The following KCNJ3 variants were observed in gnomAD, a reference collection of about 807,000 sequenced individuals.
KCNJ3 encodes G protein-activated inward rectifier potassium channel 1.
KCNJ3 carries 4 observed loss-of-function variants against 39.2 expected under a neutral mutation model. That is an observed-to-expected ratio of 0.10 (90% CI 0.05 to 0.23). The LOEUF (loss-of-function observed/expected upper bound fraction) is 0.23, where lower values mean the gene tolerates loss of function less well. KCNJ3 is among the 10% of genes least tolerant of loss of function. The probability of loss-of-function intolerance (pLI) is 1.00; values close to 1 mark genes in which losing one functional copy is unlikely to be tolerated. For missense variants in KCNJ3, 276 were observed against 634.9 expected (o/e 0.43, Z 6.08); for synonymous variants, 230 against 237.4 (o/e 0.97, Z 0.29).
At position 154,810,152 on chromosome 2, in the gene KCNJ3, C is replaced by T. The variant is rs1313121185; in HGVS notation, c.920-44575C>T. On this transcript the variant is annotated intron_variant, in intron 2 of 2. Transcript: ENST00000295101. Reference sequence around the variant, plus strand: ...AGGCTGGAGTGCAGTGGCATAATCTCGGCTCACTGAGCCTTGACCTCCTGG... The same window carrying T: ...AGGCTGGAGTGCAGTGGCATAATCTTGGCTCACTGAGCCTTGACCTCCTGG... 1.9e-4 allele frequency among the ~76,000 whole-genome samples: 29 copies of T among 152,084 alleles called. 1 individual carries two copies. Among genetic ancestry groups the T allele is most frequent in the Admixed American group, 1.8e-3 (27 of 15,260 alleles).
intron 2 of KCNJ3, among the ~76,000 whole-genome samples, chr2:154,830,758 A>G (rs1687347990): frequency 6.8e-6 from 1 of 146,666 alleles, no homozygotes; most frequent in African/African-American, 2.5e-5. Flanking sequence ...GAGAATGATT[A>G]TTTTTCTCAT....
chr2:154,835,463 CATGAAT>C (rs1558886381), intron 2 of KCNJ3, among the ~76,000 whole-genome samples: 3 of 94,508 alleles, frequency 3.2e-5, no homozygotes, highest in Admixed American at 2.5e-4. Flanking sequence ...ATATAATATT[CATGAAT>C]ATGAATATAT....
At chr2:154,846,664 A>G (rs1687667125) in intron 2 of KCNJ3, among the ~76,000 whole-genome samples, 1 of 152,164 alleles carries the variant, frequency 6.6e-6, no homozygotes, top group Non-Finnish European at 1.5e-5. Flanking sequence ...ATTTTCAGCA[A>G]TATGATTGTG....
At chr2:154,723,646 G>A (rs1425271289) in intron 2 of KCNJ3, among the ~76,000 whole-genome samples, 2 of 151,940 alleles carry the variant, frequency 1.3e-5, no homozygotes, top group Non-Finnish European at 2.9e-5. Context: ...TTTTGTGAGA[G>A]GATAAATGAA....
chr2:154,843,643 C>A (rs1262248265), intron 2 of KCNJ3, among the ~76,000 whole-genome samples: 4 of 151,750 alleles, frequency 2.6e-5, no homozygotes, highest in African/African-American at 9.7e-5. Context: ...TTTCTTTTTA[C>A]TCTTTTTTCT....
intron 2 of KCNJ3, among the ~76,000 whole-genome samples, chr2:154,798,804 G>A (rs1278997500): frequency 6.6e-6 from 1 of 152,162 alleles, no homozygotes; most frequent in Non-Finnish European, 1.5e-5. Context: ...TTTGTTGTAT[G>A]TTTATAGCAC....
intron 2 of KCNJ3, among the ~76,000 whole-genome samples, chr2:154,748,377 G>T (rs1432917473): frequency 6.6e-6 from 1 of 151,940 alleles, no homozygotes; most frequent in Non-Finnish European, 1.5e-5. Flanking sequence ...GCATATTGAA[G>T]GTACGATAGT....
intron 2 of KCNJ3, among the ~76,000 whole-genome samples, chr2:154,820,839 C>T (rs1372570426): frequency 1.3e-5 from 2 of 152,036 alleles, no homozygotes; most frequent in Non-Finnish European, 2.9e-5. Context: ...GAAAATTTGT[C>T]CTTAACAACT....
In KCNJ3 at chr2:154,781,117, G is replaced by A. The variant is rs1482741545; in HGVS notation, c.919+71298G>A. On this transcript the variant is annotated intron_variant, in intron 2 of 2. Coordinates refer to ENST00000295101, the MANE Select transcript of KCNJ3 (RefSeq NM_002239.4). ...GCCCTTTGAAGATGGAAGCAGGCCA[G>A]ACTAAAGGCAGTCTTTAGAAGGTGG... 2.0e-5 allele frequency among the ~76,000 whole-genome samples: 3 copies of A among 152,274 alleles called. No homozygotes were observed. The East Asian group carries it at 5.8e-4, about 29-fold the overall frequency.
chr2:154,820,546 A>G (rs981360227), intron 2 of KCNJ3, among the ~76,000 whole-genome samples: 9 of 152,098 alleles, frequency 5.9e-5, no homozygotes, highest in African/African-American at 2.2e-4. Flanking sequence ...TTCAATTGTA[A>G]ATTTTCCTAT....
intron 2 of KCNJ3, among the ~76,000 whole-genome samples, chr2:154,849,510 G>C (rs2166330): frequency 0.21 from 31,076 of 151,430 alleles, 3,485 homozygotes; most frequent in East Asian, 0.4. Context: ...CCAATCTCCC[G>C]CAAACACATC....
At chr2:154,743,408 A>G (rs1685686225) in intron 2 of KCNJ3, among the ~76,000 whole-genome samples, 1 of 151,690 alleles carries the variant, frequency 6.6e-6, no homozygotes, top group Non-Finnish European at 1.5e-5. Context: ...CTTGATAGGG[A>G]TTGGATAGAA....
intron 2 of KCNJ3, among the ~76,000 whole-genome samples, chr2:154,763,421 T>G (rs796902456): frequency 8.9e-5 from 11 of 123,606 alleles, no homozygotes; most frequent in Non-Finnish European, 1.1e-4. Flanking sequence ...TTCAGCTGCT[T>G]CTTTTTTTTT....
At chr2:154,743,820 T>C (rs1335224995) in intron 2 of KCNJ3, among the ~76,000 whole-genome samples, 1 of 151,632 alleles carries the variant, frequency 6.6e-6, no homozygotes, top group Admixed American at 6.6e-5. Context: ...TTTTCTGTTT[T>C]TGTTTTTGTT....
intron 2 of KCNJ3, among the ~76,000 whole-genome samples, chr2:154,828,610 C>T (rs1333058407): frequency 6.6e-6 from 1 of 152,144 alleles, no homozygotes; most frequent in Non-Finnish European, 1.5e-5. Context: ...ACTCTTAGCT[C>T]AGACCAAACT....
At chr2:154,819,517 T>C (rs1001816597) in intron 2 of KCNJ3, among the ~76,000 whole-genome samples, 4 of 151,902 alleles carry the variant, frequency 2.6e-5, no homozygotes, top group Admixed American at 6.6e-5. Context: ...AATAACATTT[T>C]ATTTATTTTT....
At chr2:154,793,462 G>A (rs139518793) in intron 2 of KCNJ3, among the ~76,000 whole-genome samples, 36 of 152,044 alleles carry the variant, frequency 2.4e-4, no homozygotes, top group African/African-American at 7.9e-4. Context: ...CTGTATGAGT[G>A]GTCTTCCTTT....
chr2:154,793,332 C>T (rs1248850845), intron 2 of KCNJ3, among the ~76,000 whole-genome samples: 1 of 151,886 alleles, frequency 6.6e-6, no homozygotes, highest in Non-Finnish European at 1.5e-5. Context: ...TTTGAATAAT[C>T]AAAGGTTACT....
In KCNJ3 at chr2:154,790,108, C is replaced by T. The variant is rs564803679; in HGVS notation, c.920-64619C>T. On this transcript the variant is annotated intron_variant, in intron 2 of 2. Coordinates refer to ENST00000295101, the MANE Select transcript of KCNJ3 (RefSeq NM_002239.4). ...GGGGGGCATGATCTTACTTCTTTGT[C>T]GTGACAGATAAACGACAGAGAGAAC... 1.2e-4 allele frequency among the ~76,000 whole-genome samples: 19 copies of T among 152,104 alleles called. 1 individual carries two copies. The highest frequency in any genetic ancestry group is 8.3e-4 in the South Asian group (4 of 4,822).
Sources: allele counts gnomAD v4.1 joint callset (sites outside exome capture counted in the v4.1 genomes callset), GRCh38; gene constraint gnomAD v4.1.1; transcripts MANE v1.5; gene names NCBI Gene and HGNC (gene_info 2026-07-23, HGNC 2026-07-21).